CBLB: variants seen among roughly 807,000 people sequenced by gnomAD.
CBLB encodes Cbl proto-oncogene B.
Under a neutral mutation model 104.9 loss-of-function variants are expected in CBLB, and 31 were observed. That is an observed-to-expected ratio of 0.30 (90% confidence interval 0.22 to 0.40). The LOEUF is 0.40. Ranked by LOEUF, CBLB falls within the 10% of genes least tolerant of loss-of-function variation. CBLB has a pLI of 1.00. For synonymous variants in CBLB, 440 were observed against 422.6 expected, an observed-to-expected ratio of 1.04 and a Z score of -0.51; for missense variants, 1,062 against 1,214.6, an observed-to-expected ratio of 0.87 and a Z score of 1.87.
chr3:105,749,632 G>A (rs1487694330), intron 5 of CBLB: 1 of 165,574 alleles, frequency 6.0e-6, no homozygotes, highest in African/African-American at 2.4e-5. Context: ...TTCCTAGAAT[G>A]AGCAGTTAGG....
intron 4 of CBLB, among the ~76,000 whole-genome samples, chr3:105,775,530 G>A (rs2079357735): frequency 6.6e-6 from 1 of 152,154 alleles, no homozygotes; most frequent in South Asian, 2.1e-4. Context: ...TATGTAAGCA[G>A]TCACACTTCC....
chr3:105,863,528 A>G (rs964569108), intron 2 of CBLB, among the ~76,000 whole-genome samples: 4 of 152,228 alleles, frequency 2.6e-5, no homozygotes, highest in African/African-American at 9.6e-5. Context: ...CTTAGTCCAC[A>G]TGGAATATCT....
intron 17 of CBLB, among the ~76,000 whole-genome samples, chr3:105,674,792 C>G (rs558390710): frequency 6.6e-6 from 1 of 152,294 alleles, no homozygotes; most frequent in South Asian, 2.1e-4. Context: ...TATGATTGGC[C>G]TGTCCAAAAC....
At chr3:105,766,129 G>A (rs2078193186) in intron 4 of CBLB, among the ~76,000 whole-genome samples, 1 of 152,172 alleles carries the variant, frequency 6.6e-6, no homozygotes, top group African/African-American at 2.4e-5. Flanking sequence ...AGAAGTAACT[G>A]TAGATGTAGA....
At chr3:105,821,831 T>C (rs537323123) in intron 3 of CBLB, among the ~76,000 whole-genome samples, 8 of 152,330 alleles carry the variant, frequency 5.3e-5, no homozygotes, top group African/African-American at 1.9e-4. Context: ...AACAGCTTCT[T>C]ATTTTCAAGG....
At chr3:105,679,057 G>A (rs1478567141) in intron 16 of CBLB, among the ~76,000 whole-genome samples, 5 of 151,958 alleles carry the variant, frequency 3.3e-5, no homozygotes, top group African/African-American at 7.3e-5. Context: ...TTATTCCACT[G>A]GATTTTAATT....
At chr3:105,772,371 T>C (rs892832798) in intron 4 of CBLB, among the ~76,000 whole-genome samples, 3 of 152,076 alleles carry the variant, frequency 2.0e-5, no homozygotes, top group Non-Finnish European at 4.4e-5. Flanking sequence ...AAAAATCAAC[T>C]CAAGATGGAT....
chr3:105,842,005 T>C (rs1395224475), intron 3 of CBLB, among the ~76,000 whole-genome samples: 2 of 151,816 alleles, frequency 1.3e-5, no homozygotes, highest in South Asian at 4.1e-4. Context: ...AGGGACAGTG[T>C]TTTCCTCTGG....
At position 105,841,164 on chromosome 3, in the gene CBLB, C is replaced by T. The variant is rs146035622; in HGVS notation, c.419+12250G>A. ...AAAAACAATTAGCTCTGCATGGTGA[C>T]GTGCATCTGTAGTCCCAGCTACTTG... On this transcript the variant is annotated intron_variant, in intron 3 of 18. Coordinates refer to ENST00000394030, the MANE Select transcript of CBLB (RefSeq NM_170662.5). Among the ~76,000 whole-genome samples the T allele has an allele frequency of 4.3e-3, 651 of 151,724 alleles. 4 individuals carry two copies. The highest frequency in any genetic ancestry group is 0.015 in the African/African-American group (615 of 41,416).
At chr3:105,719,938 T>C in intron 10 of CBLB, 109 bp downstream of exon 10, 1 of 811,124 alleles carries the variant, frequency 1.2e-6, no homozygotes, top group Non-Finnish European at 2.1e-6. Context: ...TATGTGTGTG[T>C]GCCTCTTTTC....
intron 2 of CBLB, among the ~76,000 whole-genome samples, chr3:105,858,621 C>T (rs1323595234): frequency 1.3e-5 from 2 of 152,206 alleles, no homozygotes; most frequent in East Asian, 1.9e-4. Flanking sequence ...AGCAATATTG[C>T]TCTTTTCTGT....
At chr3:105,807,532 G>C (rs926594600) in intron 3 of CBLB, among the ~76,000 whole-genome samples, 6 of 152,050 alleles carry the variant, frequency 3.9e-5, no homozygotes, top group South Asian at 2.1e-4. Context: ...AAAATCCTAT[G>C]TTCAGAGAAA....
intron 13 of CBLB, among the ~76,000 whole-genome samples, chr3:105,690,650 C>T (rs980713352): frequency 6.6e-6 from 1 of 151,814 alleles, no homozygotes; most frequent in African/African-American, 2.4e-5. Flanking sequence ...GGTGAAACCC[C>T]GTCTCCACTA....
chr3:105,739,821 C>T (rs920922745), intron 7 of CBLB, among the ~76,000 whole-genome samples: 1 of 151,984 alleles, frequency 6.6e-6, no homozygotes, highest in Non-Finnish European at 1.5e-5. Flanking sequence ...AAAAGTGAAA[C>T]TGGCTGGGCA....
intron 2 of CBLB, among the ~76,000 whole-genome samples, chr3:105,857,547 A>C (rs752939243): frequency 6.6e-6 from 1 of 152,238 alleles, no homozygotes; most frequent in African/African-American, 2.4e-5. Context: ...TTAAGGGACC[A>C]TTAAAATATC....
intron 3 of CBLB, among the ~76,000 whole-genome samples, chr3:105,780,658 T>TGG (rs1560208942): frequency 1.0e-5 from 1 of 97,136 alleles, no homozygotes; most frequent in African/African-American, 3.7e-5. Flanking sequence ...GTTTTGTTTT[T>TGG]TGTTTTTTTT....
intron 3 of CBLB, among the ~76,000 whole-genome samples, chr3:105,803,768 A>C (rs2083179498): frequency 6.6e-6 from 1 of 152,214 alleles, no homozygotes; most frequent in African/African-American, 2.4e-5. Context: ...TAATAGAATG[A>C]ACTTAAATTT....
intron 12 of CBLB, among the ~76,000 whole-genome samples, chr3:105,700,306 C>T (rs192009992): frequency 6.6e-6 from 1 of 151,932 alleles, no homozygotes; most frequent in Non-Finnish European, 1.5e-5. Context: ...GACAAGATAT[C>T]TTCAATGAAA....
At chr3:105,815,717 A>AAT (rs1272230608) in intron 3 of CBLB, among the ~76,000 whole-genome samples, 2 of 152,228 alleles carry the variant, frequency 1.3e-5, no homozygotes, top group African/African-American at 4.8e-5. Flanking sequence ...AAAGGATTAT[A>AAT]AATCATTCTA....
Sources: gnomAD v4.1 joint callset for allele counts (sites outside exome capture counted in the v4.1 genomes callset) on GRCh38, gnomAD v4.1.1 for gene constraint, MANE v1.5 for transcripts, NCBI Gene and HGNC (gene_info 2026-07-23, HGNC 2026-07-21) for gene names.